Variants in RAD51B observed in about 807,000 individuals in gnomAD.
The protein encoded by RAD51B is RAD51 paralog B, also known as DNA repair protein RAD51 homolog 2.
In RAD51B, 38 loss-of-function variants were observed where a neutral mutation model predicts 42.2. The ratio of observed to expected loss-of-function variants is 0.90; its 90% confidence interval spans 0.70 to 1.18. The LOEUF (loss-of-function observed/expected upper bound fraction) is 1.18, where lower values mean the gene tolerates loss of function less well. Among genes scored for constraint, RAD51B ranks in the 50% most tolerant of loss-of-function variants. RAD51B has a pLI of 0.00. For missense variants in RAD51B, 373 were observed against 400.7 expected, an observed-to-expected ratio of 0.93 and a Z score of 0.59; for synonymous variants, 154 against 145.2, an observed-to-expected ratio of 1.06 and a Z score of -0.43.
intron 9 of RAD51B, among the ~76,000 whole-genome samples, chr14:68,460,236 G>A (rs145965481): frequency 1.5e-3 from 229 of 152,204 alleles, no homozygotes; most frequent in African/African-American, 4.6e-3. Context: ...TGGATCACCT[G>A]AGGTCAGGAG....
At chr14:68,493,051 C>A (rs1382256899) in intron 10 of RAD51B, among the ~76,000 whole-genome samples, 3 of 152,132 alleles carry the variant, frequency 2.0e-5, no homozygotes, top group Non-Finnish European at 4.4e-5. Flanking sequence ...GAGCTGTCTC[C>A]CAGCGACACC....
chr14:67,955,241 T>C (rs1031705818), intron 7 of RAD51B, among the ~76,000 whole-genome samples: 9 of 152,206 alleles, frequency 5.9e-5, no homozygotes, highest in African/African-American at 2.2e-4. Context: ...TTCAGAAATA[T>C]GAAGAATTTT....
chr14:68,084,005 G>C (rs1300148136), intron 7 of RAD51B, among the ~76,000 whole-genome samples: 3 of 152,128 alleles, frequency 2.0e-5, no homozygotes, highest in Non-Finnish European at 2.9e-5. Flanking sequence ...GCAATGATAA[G>C]ACATTGAGTG....
chr14:67,820,317 A>G (rs1244083672), intron 1 of RAD51B, among the ~76,000 whole-genome samples: 2 of 152,352 alleles, frequency 1.3e-5, no homozygotes. Context: ...TAGTTACCTC[A>G]GTATCCTTAT....
chr14:68,132,442 G>T (rs2077912974), intron 7 of RAD51B, among the ~76,000 whole-genome samples: 1 of 152,194 alleles, frequency 6.6e-6, no homozygotes, highest in South Asian at 2.1e-4. Flanking sequence ...TTCAACATCA[G>T]GAAGAACATT....
chr14:68,286,921 A>G (rs2081424517), intron 7 of RAD51B, among the ~76,000 whole-genome samples: 1 of 152,132 alleles, frequency 6.6e-6, no homozygotes, highest in African/African-American at 2.4e-5. Context: ...TTCTCTCTTA[A>G]CTCAAGGTAT....
At chr14:68,223,183 C>T (rs953090967) in intron 7 of RAD51B, among the ~76,000 whole-genome samples, 15 of 152,218 alleles carry the variant, frequency 9.9e-5, no homozygotes, top group Admixed American at 3.9e-4. Context: ...AACTTTCCCT[C>T]GTCCTTTCCT....
chr14:67,882,476 T>C (rs1370166028), intron 5 of RAD51B, among the ~76,000 whole-genome samples: 1 of 152,206 alleles, frequency 6.6e-6, no homozygotes, highest in Non-Finnish European at 1.5e-5. Flanking sequence ...TTAAAATCTT[T>C]TATAGGCTGT....
intron 7 of RAD51B, among the ~76,000 whole-genome samples, chr14:67,997,107 A>G (rs922700818): frequency 2.6e-5 from 4 of 152,194 alleles, no homozygotes; most frequent in African/African-American, 9.6e-5. Context: ...TATGTTAGGT[A>G]TCTAAGTGGA....
At chr14:67,997,362 A>T (rs2075402716) in intron 7 of RAD51B, among the ~76,000 whole-genome samples, 1 of 152,162 alleles carries the variant, frequency 6.6e-6, no homozygotes, top group South Asian at 2.1e-4. Context: ...CCAATGAGAT[A>T]AGGGATGAAA....
chr14:68,047,239 A>T (rs1305420922), intron 7 of RAD51B, among the ~76,000 whole-genome samples: 3 of 152,194 alleles, frequency 2.0e-5, no homozygotes, highest in Non-Finnish European at 4.4e-5. Context: ...GATAACAAGT[A>T]GAAGGAAAAT....
At chr14:67,989,577 G>T (rs116600179) in intron 7 of RAD51B, among the ~76,000 whole-genome samples, 13 of 142,482 alleles carry the variant, frequency 9.1e-5, no homozygotes, top group African/African-American at 3.5e-4. Flanking sequence ...GGTGGTTGTG[G>T]TGACCCAAGA....
At chr14:68,026,443 G>A (rs1036921529) in intron 7 of RAD51B, among the ~76,000 whole-genome samples, 2 of 151,482 alleles carry the variant, frequency 1.3e-5, no homozygotes, top group African/African-American at 4.9e-5. Flanking sequence ...CTGTCAGTGG[G>A]GCATTGAAGT....
chr14:68,236,525 AC>A (rs2080262382), intron 7 of RAD51B: 1 of 152,304 alleles, frequency 6.6e-6, no homozygotes, highest in South Asian at 2.1e-4. Flanking sequence ...TATAGGTGCC[AC>A]CACCATGCCT....
At chr14:68,373,462 C>T (rs1405441122) in intron 8 of RAD51B, among the ~76,000 whole-genome samples, 2 of 152,142 alleles carry the variant, frequency 1.3e-5, no homozygotes, top group Non-Finnish European at 2.9e-5. Context: ...AGTTTATGTC[C>T]TTTTCAGGGA....
chr14:68,174,100 C>T (rs1384512340), intron 7 of RAD51B, among the ~76,000 whole-genome samples: 1 of 152,128 alleles, frequency 6.6e-6, no homozygotes, highest in African/African-American at 2.4e-5. Flanking sequence ...GACTCTTATA[C>T]ATTTTGTTAT....
chr14:68,503,168 C>T (rs1885040513), intron 10 of RAD51B, among the ~76,000 whole-genome samples: 1 of 152,180 alleles, frequency 6.6e-6, no homozygotes, highest in Non-Finnish European at 1.5e-5. Flanking sequence ...TAGGAAAGCT[C>T]TTCTCTCCTC....
intron 4 of RAD51B, among the ~76,000 whole-genome samples, chr14:67,848,354 G>A (rs554189079): frequency 7.9e-5 from 12 of 152,168 alleles, no homozygotes; most frequent in East Asian, 1.9e-4. Context: ...ACCCTTCTAC[G>A]TCTTTCTTAG....
chr14:68,540,166 C>CTTTTT (rs11321834), intron 10 of RAD51B: 648 of 586,332 alleles, frequency 1.1e-3, no homozygotes, highest in Non-Finnish European at 1.2e-3. Flanking sequence ...TACCCTGCTC[C>CTTTTT]TTTTTTTTTT....
Sources: gnomAD v4.1 joint callset for allele counts (sites outside exome capture counted in the v4.1 genomes callset) on GRCh38, gnomAD v4.1.1 for gene constraint, MANE v1.5 for transcripts, NCBI Gene and HGNC (gene_info 2026-07-23, HGNC 2026-07-21) for gene names.